The following SMIM14 variants were observed in gnomAD, a reference collection of about 807,000 sequenced individuals.
SMIM14 encodes the protein small integral membrane protein 14.
SMIM14 carries 5 observed loss-of-function variants against 12.6 expected under a neutral mutation model. That is an observed-to-expected ratio of 0.40 (90% CI 0.21 to 0.83). SMIM14 has a LOEUF of 0.83. SMIM14 is among the 40% of genes least tolerant of loss of function. SMIM14 has a pLI of 0.37. For missense variants in SMIM14, 86 were observed against 119.1 expected (o/e 0.72, Z 1.29); for synonymous variants, 30 against 40.1 (o/e 0.75, Z 0.95).
chr4:39,600,210 C>G (rs557531248), intron 2 of SMIM14, among the ~76,000 whole-genome samples: 1 of 152,146 alleles, frequency 6.6e-6, no homozygotes, highest in South Asian at 2.1e-4. Context: ...TTTCCCATGC[C>G]AGGCTCTCCA....
intron 1 of SMIM14, among the ~76,000 whole-genome samples, chr4:39,628,750 T>C (rs935187050): frequency 2.0e-5 from 3 of 150,808 alleles, no homozygotes; most frequent in Non-Finnish European, 4.4e-5. Context: ...TTTCTTTTTT[T>C]GAGCCGGAGT....
intron 1 of SMIM14, chr4:39,621,028 T>C (rs1232998565): frequency 2.6e-5 from 4 of 152,202 alleles, no homozygotes; most frequent in Non-Finnish European, 5.9e-5. Context: ...TACAGCTCTT[T>C]TAGAATTTGT....
intron 2 of SMIM14, among the ~76,000 whole-genome samples, chr4:39,584,481 CAAAAAAA>C (rs554273493): frequency 6.9e-4 from 19 of 27,654 alleles, no homozygotes; most frequent in South Asian, 2.5e-3. Flanking sequence ...GACACTGTCT[CAAAAAAA>C]AAAAAAAAAA....
At chr4:39,637,368 G>C (rs950850868) in intron 1 of SMIM14, among the ~76,000 whole-genome samples, 1 of 152,132 alleles carries the variant, frequency 6.6e-6, no homozygotes, top group Non-Finnish European at 1.5e-5. Context: ...AACTACAGTA[G>C]TAAGAAAAAA....
intron 1 of SMIM14, among the ~76,000 whole-genome samples, chr4:39,629,030 A>T (rs963236500): frequency 5.3e-5 from 8 of 151,414 alleles, no homozygotes; most frequent in Non-Finnish European, 1.0e-4. Flanking sequence ...ACTGTGCCCG[A>T]CCAGGAAAAT....
rs920944512 is a variant in SMIM14, at chr4:39,622,819, A to G, written c.-36+15920T>C. Reference sequence around the variant, plus strand: ...CAGGATTTTACTTTTCACTTTGTACAGTTTTCAAATATCATATAATGGTTA... The same window carrying G: ...CAGGATTTTACTTTTCACTTTGTACGGTTTTCAAATATCATATAATGGTTA... On this transcript the variant is annotated intron_variant, in intron 1 of 4. Coordinates refer to ENST00000295958, the MANE Select transcript of SMIM14 (RefSeq NM_174921.3). Among the ~76,000 whole-genome samples the G allele has an allele frequency of 4.6e-5, 7 of 152,380 alleles. No individual in the cohort carries two copies. In the South Asian group the frequency reaches 8.3e-4, roughly 18 times the overall value.
chr4:39,560,737 G>A (rs993985674), intron 3 of SMIM14, among the ~76,000 whole-genome samples: 3 of 150,860 alleles, frequency 2.0e-5, no homozygotes, highest in Non-Finnish European at 3.0e-5. Flanking sequence ...CATCTCCCCC[G>A]CCCTACCCCC....
At chr4:39,631,059 C>T (rs898926720) in intron 1 of SMIM14, among the ~76,000 whole-genome samples, 9 of 151,874 alleles carry the variant, frequency 5.9e-5, no homozygotes, top group Admixed American at 1.3e-4. Flanking sequence ...TTGTTTTTGC[C>T]AGGGCATGGT....
chr4:39,599,361 C>T (rs952098076), intron 2 of SMIM14, among the ~76,000 whole-genome samples: 12 of 151,950 alleles, frequency 7.9e-5, no homozygotes, highest in Non-Finnish European at 1.5e-5. Context: ...ATGGAAGCTA[C>T]TGTAGGATTC....
At chr4:39,618,405 T>C (rs1041436168) in intron 1 of SMIM14, among the ~76,000 whole-genome samples, 2 of 151,968 alleles carry the variant, frequency 1.3e-5, no homozygotes, top group South Asian at 2.1e-4. Context: ...CCCCAGAGTA[T>C]TGGGAGGCCG....
chr4:39,606,817 TG>T (rs1400670857), intron 1 of SMIM14, among the ~76,000 whole-genome samples: 1 of 151,828 alleles, frequency 6.6e-6, no homozygotes, highest in Non-Finnish European at 1.5e-5. Flanking sequence ...ATCCCTAAGT[TG>T]GGGAGAAGAA....
intron 2 of SMIM14, among the ~76,000 whole-genome samples, chr4:39,582,045 G>A (rs67254207): frequency 0.15 from 22,144 of 151,588 alleles, 2,095 homozygotes; most frequent in South Asian, 0.32. Flanking sequence ...CTAGTTTTGT[G>A]TTTTTAGAAG....
At position 39,558,669 on chromosome 4, in the gene SMIM14, A is replaced by C. The variant is rs1712131242; in HGVS notation, c.125-2099T>G. ...AGTTGCACAGACAGCTTTTCGAAAA[A>C]GAAAAATTACTCAATCAGTTACAAG... On this transcript the variant is annotated intron_variant, in intron 3 of 4. Transcript: ENST00000295958. This position sits in a 1 kb window ranked among gnomAD's most constrained non-coding sequence, Gnocchi z 4.3. 6.6e-6 allele frequency among the ~76,000 whole-genome samples: 1 copy of C among 152,196 alleles called. No homozygotes were observed. Among genetic ancestry groups the C allele is most frequent in the Non-Finnish European group, 1.5e-5 (1 of 68,044 alleles).
At chr4:39,616,430 T>C (rs1411597400) in intron 1 of SMIM14, among the ~76,000 whole-genome samples, 1 of 152,136 alleles carries the variant, frequency 6.6e-6, no homozygotes, top group Admixed American at 6.6e-5. Flanking sequence ...CCACCGCGCC[T>C]GGCCACATTT....
intron 4 of SMIM14, 117 bp from the exon 5 acceptor site, chr4:39,552,275 A>G (rs1711757209): frequency 2.7e-6 from 2 of 741,524 alleles, no homozygotes; most frequent in Non-Finnish European, 4.1e-6. Context: ...AATCTAACAC[A>G]TAGAGAAACA....
rs1711581687 is a variant in SMIM14, at chr4:39,549,938, A to G, written c.*2188T>C. The G allele has an allele frequency of 6.6e-6, 1 of 151,842 alleles. No individual in the cohort carries two copies. The highest frequency in any genetic ancestry group is 6.6e-5 in the Admixed American group (1 of 15,148). The allele number at this position is 151,842 out of a possible 1,614,324, so 9.4% of individuals were successfully genotyped here. Reference sequence around the variant, plus strand: ...TTGGTTATATTATTTCAAGAAATTGAGCACAAAGCCAGGATGTACAAGGAG... The same window carrying G: ...TTGGTTATATTATTTCAAGAAATTGGGCACAAAGCCAGGATGTACAAGGAG... On this transcript the variant is annotated 3_prime_UTR_variant, in exon 5 of 5. Coordinates refer to ENST00000295958, the MANE Select transcript of SMIM14 (RefSeq NM_174921.3).
intron 2 of SMIM14, among the ~76,000 whole-genome samples, chr4:39,575,033 A>G (rs1713095034): frequency 6.6e-6 from 1 of 152,128 alleles, no homozygotes; most frequent in African/African-American, 2.4e-5. Flanking sequence ...ACAAAAACAA[A>G]ACAAAACAAA....
chr4:39,604,938 A>G, intron 2 of SMIM14, 133 bp downstream of exon 2: 1 of 636,784 alleles, frequency 1.6e-6, no homozygotes. Context: ...ACTTAAACAA[A>G]TGTGGAATTT....
chr4:39,567,143 GAAAAAAAAAAAAAAAA>G (rs1168446466), intron 3 of SMIM14, among the ~76,000 whole-genome samples: 1 of 72,092 alleles, frequency 1.4e-5, no homozygotes, highest in African/African-American at 4.9e-5. Flanking sequence ...CTCAAAAAAA[GAAAAAAAAAAAAAAAA>G]AAAAAAAAAA....
Sources: gnomAD v4.1 joint callset for allele counts (sites outside exome capture counted in the v4.1 genomes callset) on GRCh38, gnomAD v4.1.1 for gene constraint, Gnocchi (gnomAD v3.1) non-coding constraint, MANE v1.5 for transcripts, NCBI Gene and HGNC (gene_info 2026-07-23, HGNC 2026-07-21) for gene names.